RAPGEF5: variants seen among roughly 807,000 people sequenced by gnomAD.
RAPGEF5 encodes Rap guanine nucleotide exchange factor 5.
RAPGEF5 carries 65 observed loss-of-function variants against 125.2 expected under a neutral mutation model. That is an observed-to-expected ratio of 0.52 (90% CI 0.43 to 0.64). The LOEUF is 0.64. RAPGEF5 is among the 30% of genes least tolerant of loss of function. The probability of loss-of-function intolerance (pLI) is 0.00; values close to 1 mark genes in which losing one functional copy is unlikely to be tolerated. For synonymous variants in RAPGEF5, 391 were observed against 385.9 expected (o/e 1.01, Z -0.16); for missense variants, 958 against 1,048.1 (o/e 0.91, Z 1.19).
At chr7:22,177,971 T>C (rs986298138) in intron 11 of RAPGEF5, among the ~76,000 whole-genome samples, 3 of 152,054 alleles carry the variant, frequency 2.0e-5, no homozygotes, top group Non-Finnish European at 4.4e-5. Context: ...GATGCCCCTA[T>C]AAAGTTGTTT....
chr7:22,229,544 TAC>T (rs1386274136), intron 8 of RAPGEF5, among the ~76,000 whole-genome samples: 1 of 152,254 alleles, frequency 6.6e-6, no homozygotes, highest in African/African-American at 2.4e-5. Flanking sequence ...ACATATAAAT[TAC>T]ACACATACGT....
chr7:22,348,872 A>G (rs1784275144), intron 1 of RAPGEF5, among the ~76,000 whole-genome samples: 1 of 152,196 alleles, frequency 6.6e-6, no homozygotes, highest in Non-Finnish European at 1.5e-5. Context: ...GGATCACTTG[A>G]GGCCAGGAGT....
intron 14 of RAPGEF5, among the ~76,000 whole-genome samples, chr7:22,159,318 A>G (rs957148772): frequency 6.6e-6 from 1 of 152,230 alleles, no homozygotes; most frequent in African/African-American, 2.4e-5. Context: ...CTCTCAATGT[A>G]AGATTTTGAT....
At chr7:22,219,746 G>A in intron 9 of RAPGEF5, 120 bp downstream of exon 9, 1 of 1,349,466 alleles carries the variant, frequency 7.4e-7, no homozygotes, top group Non-Finnish European at 9.8e-7. Flanking sequence ...CTCTTGGGGG[G>A]AAAAAAACCC....
intron 5 of RAPGEF5, among the ~76,000 whole-genome samples, chr7:22,294,560 C>T (rs1783015648): frequency 6.6e-6 from 1 of 152,184 alleles, no homozygotes; most frequent in South Asian, 2.1e-4. Flanking sequence ...CACTCCTACC[C>T]AAAAGGAAAA....
chr7:22,214,861 A>G (rs1178758035), intron 9 of RAPGEF5, among the ~76,000 whole-genome samples: 1 of 152,186 alleles, frequency 6.6e-6, no homozygotes, highest in African/African-American at 2.4e-5. Context: ...TCCAGAGGCA[A>G]TCAGACTTGA....
chr7:22,137,433 G>C (rs140911503), intron 21 of RAPGEF5, among the ~76,000 whole-genome samples: 1 of 152,132 alleles, frequency 6.6e-6, no homozygotes. Flanking sequence ...CTTAAGTGAC[G>C]AAGCCTGCAC....
chr7:22,251,775 CAAAAAAAAAAA>C (rs58681076), intron 7 of RAPGEF5, among the ~76,000 whole-genome samples: 24 of 73,350 alleles, frequency 3.3e-4, no homozygotes, highest in Non-Finnish European at 5.2e-4. Flanking sequence ...GTTTCATTGA[CAAAAAAAAAAA>C]AAAAAAAAAA....
chr7:22,202,885 G>T, intron 9 of RAPGEF5: 1 of 345,472 alleles, frequency 2.9e-6, no homozygotes, highest in Admixed American at 3.6e-5. Flanking sequence ...AGACCCAGTT[G>T]AATACTGGAC....
chr7:22,253,074 C>T (rs116444622), intron 7 of RAPGEF5, among the ~76,000 whole-genome samples: 11 of 152,052 alleles, frequency 7.2e-5, no homozygotes, highest in African/African-American at 1.4e-4. Flanking sequence ...GACAGAAGAA[C>T]GATCTCTGGA....
chr7:22,180,765 G>A (rs1472091345), intron 11 of RAPGEF5, among the ~76,000 whole-genome samples: 2 of 152,130 alleles, frequency 1.3e-5, no homozygotes, highest in African/African-American at 4.8e-5. Context: ...TACATTCAAG[G>A]AGTGTTAAGA....
In RAPGEF5 at chr7:22,158,379, G is replaced by A. The variant is rs890314499; in HGVS notation, c.1527-494C>T. ...ACTCTGCCCATCTCTGATCATCTCC[G>A]CAGATGCCCACCTTCAAGTGCCCTC... On this transcript the variant is annotated intron_variant, in intron 14 of 25. Transcript: ENST00000665637. 7.9e-5 allele frequency among the ~76,000 whole-genome samples: 12 copies of A among 152,232 alleles called. No homozygotes were observed. In the East Asian group the frequency reaches 1.7e-3, roughly 22 times the overall value.
chr7:22,193,918 C>G lies in RAPGEF5; in HGVS notation c.1112G>C (p.Trp371Ser). The change falls in exon 10 of 26, where the codon TGG becomes TCG. Residue 371 changes from tryptophan to serine, a missense_variant. Transcript: ENST00000665637. ...APTAGSAESH[W>S]RYVVVSGTPE... Reference sequence around the variant, plus strand: ...GTGGCTGCAGGGAAACTCTCACCTCCAATGGCTCTCCGCACTCCCAGCTGT... The same window carrying G: ...GTGGCTGCAGGGAAACTCTCACCTCGAATGGCTCTCCGCACTCCCAGCTGT... The G allele has an allele frequency of 6.2e-7, 1 of 1,613,614 alleles. No homozygotes were observed. Among genetic ancestry groups the G allele is most frequent in the Non-Finnish European group, 8.5e-7 (1 of 1,179,746 alleles).
chr7:22,242,515 C>T lies in RAPGEF5; in HGVS notation c.797-11596G>A, dbSNP rs74821161. On this transcript the variant is annotated intron_variant, in intron 7 of 25. Coordinates refer to ENST00000665637, the MANE Select transcript of RAPGEF5 (RefSeq NM_012294.5). ...AGCTGAGAAGGGCCCCTGGTCACCA[C>T]TCGAATTCACTAGGGCAGAGTGACT... 4.9e-3 allele frequency among the ~76,000 whole-genome samples: 748 copies of T among 152,284 alleles called. 10 individuals carry two copies. The highest frequency in any genetic ancestry group is 0.027 in the South Asian group (129 of 4,818).
intron 11 of RAPGEF5, among the ~76,000 whole-genome samples, chr7:22,185,875 GA>G (rs1784809824): frequency 6.7e-6 from 1 of 149,966 alleles, no homozygotes; most frequent in Admixed American, 6.6e-5. Flanking sequence ...TTTTTTTTGA[GA>G]TAGAGTCTTA....
intron 6 of RAPGEF5, among the ~76,000 whole-genome samples, chr7:22,282,931 C>T (rs879499911): frequency 3.9e-5 from 6 of 151,960 alleles, no homozygotes; most frequent in East Asian, 3.9e-4. Context: ...TATAGAATCA[C>T]TAAATATGTT....
chr7:22,201,651 A>T (rs1464087667), intron 9 of RAPGEF5, among the ~76,000 whole-genome samples: 2 of 152,206 alleles, frequency 1.3e-5, no homozygotes. Flanking sequence ...TCTAGTGCCT[A>T]TATCAGTTTA....
chr7:22,157,667 G>A (rs569368316), intron 15 of RAPGEF5, among the ~76,000 whole-genome samples, 188 bp downstream of exon 15: 1 of 152,316 alleles, frequency 6.6e-6, no homozygotes, highest in East Asian at 1.9e-4. Flanking sequence ...GCTAAAATCG[G>A]ATCTGCACCA....
chr7:22,145,152 A>G lies in RAPGEF5; in HGVS notation c.2078T>C (p.Leu693Pro), dbSNP rs1235646934. The G allele has an allele frequency of 6.2e-7, 1 of 1,613,692 alleles. No individual in the cohort carries two copies. ...AAGCTGGACCTCATTGCATCTCTGG[A>G]GCAGAAGGCTGAGATTTGCAGTGTG... The part of the protein sequence containing the change: ...GEHTANLSLL[L>P]QRCNEVQLWV... The change falls in exon 20 of 26, where the codon CTC becomes CCC. Residue 693 changes from leucine to proline, a missense_variant. Transcript: ENST00000665637.
Sources: allele counts gnomAD v4.1 joint callset (sites outside exome capture counted in the v4.1 genomes callset), GRCh38; gene constraint gnomAD v4.1.1; transcripts MANE v1.5; gene names NCBI Gene and HGNC (gene_info 2026-07-23, HGNC 2026-07-21).